The following CTNNA3 variants were observed in gnomAD, a reference collection of about 807,000 sequenced individuals.
CTNNA3 encodes the protein catenin alpha-3.
A neutral mutation model predicts 95.7 loss-of-function variants in CTNNA3; 76 were observed. The observed-to-expected ratio is 0.79, with a 90% CI of 0.66 to 0.96. The LOEUF (loss-of-function observed/expected upper bound fraction) is 0.96. Among genes scored for constraint, CTNNA3 ranks in the 40% least tolerant of loss-of-function variants. CTNNA3 has a pLI of 0.00. For synonymous variants in CTNNA3, 431 were observed against 374.4 expected (o/e 1.15, Z -1.74); for missense variants, 1,191 against 1,089.8 (o/e 1.09, Z -1.31).
chr10:66,255,530 G>A (rs1005016618), intron 13 of CTNNA3, among the ~76,000 whole-genome samples: 4 of 151,944 alleles, frequency 2.6e-5, no homozygotes, highest in African/African-American at 7.3e-5. Flanking sequence ...TTCTCTACCC[G>A]ATTCTGATGT....
intron 13 of CTNNA3, among the ~76,000 whole-genome samples, chr10:66,146,546 T>C (rs2083896079): frequency 6.6e-6 from 1 of 152,098 alleles, no homozygotes; most frequent in African/African-American, 2.4e-5. Flanking sequence ...AAAGCATGTA[T>C]TCTGTTTGTT....
intron 16 of CTNNA3, among the ~76,000 whole-genome samples, chr10:65,982,654 A>G (rs1220841448): frequency 2.0e-5 from 3 of 150,994 alleles, no homozygotes; most frequent in Admixed American, 1.3e-4. Context: ...ACATATATAT[A>G]TATAAATGTG....
At chr10:66,896,054 G>T (rs868444562) in intron 7 of CTNNA3, among the ~76,000 whole-genome samples, 1 of 152,004 alleles carries the variant, frequency 6.6e-6, no homozygotes, top group African/African-American at 2.4e-5. Context: ...CCGAGATTGC[G>T]CCATTGCACT....
In CTNNA3 at chr10:67,248,231, G is replaced by A. The variant is rs576805716; in HGVS notation, c.580-28361C>T. Among the ~76,000 whole-genome samples, 189 of 152,198 alleles carry A rather than the reference G, an allele frequency of 1.2e-3. 1 individual carries two copies. Among genetic ancestry groups the A allele is most frequent in the African/African-American group, 4.3e-3 (180 of 41,552 alleles). ...TAACTACTTGGGGATGAAGGTGGGTGTGGTATGCGGCAGGAGGACCACCTA... is the reference window on the plus strand; with the variant it reads ...TAACTACTTGGGGATGAAGGTGGGTATGGTATGCGGCAGGAGGACCACCTA... On this transcript the variant is annotated intron_variant, in intron 5 of 17. Coordinates refer to ENST00000433211, the MANE Select transcript of CTNNA3 (RefSeq NM_013266.4).
chr10:65,993,672 T>C (rs1045310260), intron 15 of CTNNA3, among the ~76,000 whole-genome samples: 1 of 152,158 alleles, frequency 6.6e-6, no homozygotes, highest in African/African-American at 2.4e-5. Flanking sequence ...CAGCAGATAG[T>C]TGGGTCATGT....
At chr10:66,276,376 C>T (rs747052142) in intron 13 of CTNNA3, among the ~76,000 whole-genome samples, 5 of 152,150 alleles carry the variant, frequency 3.3e-5, no homozygotes, top group Admixed American at 6.6e-5. Flanking sequence ...TACTTCACTG[C>T]GGGCCACTTA....
intron 13 of CTNNA3, among the ~76,000 whole-genome samples, chr10:66,223,101 A>G (rs1031905021): frequency 5.3e-5 from 8 of 152,152 alleles, no homozygotes; most frequent in Non-Finnish European, 1.0e-4. Flanking sequence ...CAAAATGTTT[A>G]TAATTTCCTT....
At chr10:66,813,067 C>A (rs990188689) in intron 7 of CTNNA3, among the ~76,000 whole-genome samples, 1 of 152,092 alleles carries the variant, frequency 6.6e-6, no homozygotes, top group Non-Finnish European at 1.5e-5. Flanking sequence ...ACATAAAGTG[C>A]AGACTGGCTA....
intron 4 of CTNNA3, among the ~76,000 whole-genome samples, chr10:67,523,352 A>C (rs1251512905): frequency 6.6e-6 from 1 of 152,180 alleles, no homozygotes; most frequent in Middle Eastern, 3.2e-3. Context: ...CTGAGTGCCC[A>C]CTCAGCCCCA....
At chr10:66,303,088 C>T (rs1329346039) in intron 12 of CTNNA3, among the ~76,000 whole-genome samples, 2 of 151,930 alleles carry the variant, frequency 1.3e-5, no homozygotes, top group African/African-American at 4.8e-5. Flanking sequence ...AAAAATTTAC[C>T]GCAAACGTGA....
intron 9 of CTNNA3, among the ~76,000 whole-genome samples, chr10:66,751,081 A>G (rs1019192713): frequency 6.6e-5 from 10 of 152,136 alleles, no homozygotes; most frequent in Admixed American, 2.0e-4. Context: ...CAGCCTGGCC[A>G]ATATGGTGAA....
At chr10:67,359,425 C>T (rs562994376) in intron 5 of CTNNA3, among the ~76,000 whole-genome samples, 1 of 152,136 alleles carries the variant, frequency 6.6e-6, no homozygotes, top group East Asian at 1.9e-4. Context: ...AATTCAGAAT[C>T]TGGATGGGTA....
At chr10:66,152,670 G>A (rs1370729471) in intron 13 of CTNNA3, among the ~76,000 whole-genome samples, 3 of 151,832 alleles carry the variant, frequency 2.0e-5, no homozygotes, top group Non-Finnish European at 2.9e-5. Flanking sequence ...CTATGCCTAT[G>A]ACCCTCAAGA....
chr10:66,674,705 G>A (rs867749382), intron 9 of CTNNA3, among the ~76,000 whole-genome samples: 7 of 151,864 alleles, frequency 4.6e-5, no homozygotes, highest in South Asian at 2.1e-4. Context: ...TCCAATGATG[G>A]GTAATACTTT....
At chr10:67,089,984 A>G (rs1857534402) in intron 7 of CTNNA3, among the ~76,000 whole-genome samples, 1 of 152,092 alleles carries the variant, frequency 6.6e-6, no homozygotes, top group Non-Finnish European at 1.5e-5. Context: ...CTCATATGAA[A>G]CAAAATAATC....
chr10:66,897,483 T>G (rs868014524), intron 7 of CTNNA3, among the ~76,000 whole-genome samples: 1 of 151,868 alleles, frequency 6.6e-6, no homozygotes, highest in African/African-American at 2.4e-5. Flanking sequence ...AAAAGAAAAT[T>G]TAAAAAGGGA....
intron 13 of CTNNA3, among the ~76,000 whole-genome samples, chr10:66,132,446 G>C (rs890598595): frequency 5.3e-5 from 8 of 152,178 alleles, no homozygotes; most frequent in African/African-American, 1.4e-4. Context: ...CTTATACACT[G>C]TTGGTGGGAG....
chr10:67,100,175 T>C (rs1858259326), intron 7 of CTNNA3, among the ~76,000 whole-genome samples: 1 of 151,770 alleles, frequency 6.6e-6, no homozygotes, highest in Non-Finnish European at 1.5e-5. Flanking sequence ...GTGTATGCCC[T>C]TGATTTCCTG....
chr10:66,747,172 C>T (rs1258318762), intron 9 of CTNNA3, among the ~76,000 whole-genome samples: 1 of 152,106 alleles, frequency 6.6e-6, no homozygotes, highest in Non-Finnish European at 1.5e-5. Context: ...TTAAATGTTG[C>T]TTACAAGCTT....
Sources: gnomAD v4.1 joint callset for allele counts (sites outside exome capture counted in the v4.1 genomes callset) on GRCh38, gnomAD v4.1.1 for gene constraint, MANE v1.5 for transcripts, NCBI Gene and HGNC (gene_info 2026-07-23, HGNC 2026-07-21) for gene names.